OCA2: variants seen among roughly 807,000 people sequenced by gnomAD.
OCA2 encodes the protein OCA2 melanosomal transmembrane protein.
In OCA2, 77 loss-of-function variants were observed where a neutral mutation model predicts 100.2. The ratio of observed to expected loss-of-function variants is 0.77; its 90% CI spans 0.64 to 0.93. OCA2 has a LOEUF of 0.93. OCA2 is among the 40% of genes least tolerant of loss of function. The probability of loss-of-function intolerance (pLI) is 0.00; values close to 1 mark genes in which losing one functional copy is unlikely to be tolerated. For missense variants in OCA2, 1,062 were observed against 1,089.1 expected (o/e 0.98, Z 0.35); for synonymous variants, 432 against 439.2 (o/e 0.98, Z 0.21).
chr15:27,823,195 T>C (rs955114936), intron 23 of OCA2, among the ~76,000 whole-genome samples: 2 of 152,372 alleles, frequency 1.3e-5, no homozygotes, highest in South Asian at 4.1e-4. Flanking sequence ...CTCTCCATTC[T>C]TTCCCACTGG....
chr15:27,934,404 AC>A (rs2039376084), intron 18 of OCA2, among the ~76,000 whole-genome samples: 1 of 152,174 alleles, frequency 6.6e-6, no homozygotes, highest in Admixed American at 6.5e-5. Flanking sequence ...CAGAAGACAA[AC>A]AGACACTTGC....
At chr15:27,891,919 A>G (rs565358136) in intron 19 of OCA2, among the ~76,000 whole-genome samples, 46 of 152,288 alleles carry the variant, frequency 3.0e-4, no homozygotes, top group African/African-American at 9.6e-4. Flanking sequence ...GCAAGAGACT[A>G]TATTAATACC....
In OCA2 at chr15:28,016,127, G is replaced by C. The variant is rs779603058; in HGVS notation, c.867C>G (p.Ser289Arg). The change falls in exon 8 of 24, where the codon AGC (serine) becomes AGG (arginine). Residue 289 changes from serine (S) to arginine (R), a missense_variant. Coordinates refer to ENST00000354638, the MANE Select transcript of OCA2 (RefSeq NM_000275.3). ...NPRRSEHSVM[S>R]RTFEVLTRET... ...ACCTGGTCAGTACCTCAAAGGTCCT[G>C]CTCATCACTGAGTGCTCGCTTCTCC... is the stretch of plus-strand genomic sequence containing the variant. The C allele has an allele frequency of 6.2e-7, 1 of 1,614,102 alleles. No individual in the cohort carries two copies. The highest frequency in any genetic ancestry group is 8.5e-7 in the Non-Finnish European group (1 of 1,179,972).
intron 1 of OCA2, among the ~76,000 whole-genome samples, chr15:28,098,897 G>A (rs1369636987): frequency 6.6e-6 from 1 of 152,214 alleles, no homozygotes; most frequent in Non-Finnish European, 1.5e-5. Flanking sequence ...ATGCTGCCCT[G>A]GAGTTCAAGT....
chr15:28,025,754 T>C (rs1162509652), intron 4 of OCA2, among the ~76,000 whole-genome samples: 1 of 152,234 alleles, frequency 6.6e-6, no homozygotes, highest in Non-Finnish European at 1.5e-5. Flanking sequence ...TTTTGCTTTG[T>C]CCCCACACAT....
intron 1 of OCA2, among the ~76,000 whole-genome samples, chr15:28,096,803 G>T (rs1349742022): frequency 1.3e-5 from 2 of 152,122 alleles, no homozygotes; most frequent in African/African-American, 4.8e-5. Flanking sequence ...GCCTCGGGAG[G>T]CCGCGGGTGG....
At chr15:27,972,910 A>G (rs2140894216) in intron 14 of OCA2, among the ~76,000 whole-genome samples, 1 of 150,720 alleles carries the variant, frequency 6.6e-6, no homozygotes, top group East Asian at 1.9e-4. Flanking sequence ...TTCTCACCCA[A>G]GCTGGAGTGC....
At chr15:27,770,915 C>CTCCCTCCCTCTTTTTTCTTCTTTCCT (rs150161791) in intron 23 of OCA2, among the ~76,000 whole-genome samples, 1 of 111,390 alleles carries the variant, frequency 9.0e-6, no homozygotes, top group African/African-American at 4.1e-5. Context: ...TCCTTCCCTC[C>CTCCCTCCCTCTTTTTTCTTCTTTCCT]TCCCTCCCTC....
intron 19 of OCA2, among the ~76,000 whole-genome samples, chr15:27,879,798 G>A (rs1389215473): frequency 6.6e-6 from 1 of 152,046 alleles, no homozygotes; most frequent in African/African-American, 2.4e-5. Context: ...CCATTCTGTA[G>A]GTTGTCTGCT....
chr15:27,848,184 A>G (rs1039100696), intron 22 of OCA2, among the ~76,000 whole-genome samples: 2 of 152,094 alleles, frequency 1.3e-5, no homozygotes, highest in South Asian at 4.2e-4. Context: ...GCCCATCCCT[A>G]TGCCAGTCCC....
chr15:27,959,751 T>C (rs1269729118), intron 15 of OCA2, among the ~76,000 whole-genome samples: 2 of 152,176 alleles, frequency 1.3e-5, no homozygotes, highest in Non-Finnish European at 2.9e-5. Context: ...TGCAGGTGCT[T>C]ACTCTCCAGT....
At chr15:28,098,015 A>G (rs2045018307) in intron 1 of OCA2, among the ~76,000 whole-genome samples, 1 of 152,198 alleles carries the variant, frequency 6.6e-6, no homozygotes, top group African/African-American at 2.4e-5. Context: ...GTTTCCAGGG[A>G]CAGCCAGGAC....
At chr15:28,006,843 T>C (rs1162651289) in intron 9 of OCA2, among the ~76,000 whole-genome samples, 1 of 152,184 alleles carries the variant, frequency 6.6e-6, no homozygotes, top group African/African-American at 2.4e-5. Flanking sequence ...AAAACCTAAC[T>C]TGGAGGTTTG....
intron 21 of OCA2, among the ~76,000 whole-genome samples, chr15:27,851,702 A>G (rs2035759647): frequency 6.6e-6 from 1 of 152,144 alleles, no homozygotes; most frequent in South Asian, 2.1e-4. Flanking sequence ...CCTGGTCCTG[A>G]GCCCTGCCAG....
intron 3 of OCA2, among the ~76,000 whole-genome samples, chr15:28,030,627 G>A (rs775289540): frequency 7.9e-5 from 12 of 152,194 alleles, no homozygotes; most frequent in South Asian, 2.1e-4. Flanking sequence ...CCTAAAGTGC[G>A]AAGCCCTGGT....
At chr15:28,054,755 C>T (rs1470756567) in intron 2 of OCA2, among the ~76,000 whole-genome samples, 1 of 151,924 alleles carries the variant, frequency 6.6e-6, no homozygotes, top group Non-Finnish European at 1.5e-5. Flanking sequence ...TATAAAAAAA[C>T]TGCCTGAGAC....
intron 23 of OCA2, among the ~76,000 whole-genome samples, chr15:27,761,324 A>G (rs906692630): frequency 6.6e-5 from 10 of 152,120 alleles, no homozygotes; most frequent in Non-Finnish European, 1.5e-4. Context: ...TAAAATTAAA[A>G]ACACAATACC....
intron 21 of OCA2, among the ~76,000 whole-genome samples, chr15:27,859,833 G>A (rs2151444546): frequency 6.6e-6 from 1 of 152,126 alleles, no homozygotes; most frequent in Non-Finnish European, 1.5e-5. Context: ...TGACATCGAT[G>A]GAAAGACCCC....
intron 18 of OCA2, among the ~76,000 whole-genome samples, chr15:27,943,355 T>C (rs1285682152): frequency 8.7e-6 from 1 of 114,758 alleles, no homozygotes; most frequent in African/African-American, 2.6e-5. Context: ...CTGACTCTAG[T>C]ATAACATCAC....
Sources: allele counts gnomAD v4.1 joint callset (sites outside exome capture counted in the v4.1 genomes callset), GRCh38; gene constraint gnomAD v4.1.1; transcripts MANE v1.5; gene names NCBI Gene and HGNC (gene_info 2026-07-23, HGNC 2026-07-21).